EDA: variants seen among roughly 807,000 people sequenced by gnomAD.
EDA encodes ectodysplasin-A.
In EDA, 2 loss-of-function variants were observed where a neutral mutation model predicts 23.6. That is an observed-to-expected ratio of 0.08 (90% CI 0.03 to 0.27). EDA has a LOEUF of 0.27. EDA is among the 10% of genes least tolerant of loss of function. The probability of loss-of-function intolerance (pLI) is 1.00; values close to 1 mark genes in which losing one functional copy is unlikely to be tolerated. For missense variants in EDA, 229 were observed against 324.2 expected (o/e 0.71, Z 2.26); for synonymous variants, 131 against 132.0 (o/e 0.99, Z 0.05).
chrX:69,816,112 G>A (rs1332263220), intron 1 of EDA, among the ~76,000 whole-genome samples: 1 of 111,519 alleles, frequency 9.0e-6, no homozygotes, highest in Admixed American at 9.5e-5. Context: ...CCCTGAGGTA[G>A]AGTGGCCTGA....
chrX:69,833,972 GCA>G (rs2016698158), intron 1 of EDA, among the ~76,000 whole-genome samples: 2 of 82,790 alleles, frequency 2.4e-5, no homozygotes, highest in Non-Finnish European at 2.2e-5. Flanking sequence ...CCCACGACAG[GCA>G]CCAGTGTGTG....
intron 1 of EDA, among the ~76,000 whole-genome samples, chrX:69,839,924 A>G (rs1317791038): frequency 8.9e-6 from 1 of 112,475 alleles, no homozygotes; most frequent in Non-Finnish European, 1.9e-5. Flanking sequence ...GTGTTATGAA[A>G]AAAGAAGGGG....
At chrX:70,026,837 ATCTC>A (rs941146602) in intron 3 of EDA, among the ~76,000 whole-genome samples, 1 of 108,054 alleles carries the variant, frequency 9.3e-6, no homozygotes, top group Admixed American at 9.9e-5. Flanking sequence ...GTTTCTCAAT[ATCTC>A]TCTCTCTCCC....
intron 1 of EDA, among the ~76,000 whole-genome samples, chrX:69,912,699 G>A (rs181969880): frequency 9.1e-6 from 1 of 109,577 alleles, no homozygotes; most frequent in Admixed American, 9.8e-5. Flanking sequence ...CAGATATGCT[G>A]TCATTCAGGC....
At chrX:69,750,875 AT>A (rs1272892677) in intron 1 of EDA, among the ~76,000 whole-genome samples, 2 of 110,714 alleles carry the variant, frequency 1.8e-5, no homozygotes, top group African/African-American at 3.3e-5. Flanking sequence ...GGGTTGTTTG[AT>A]TTTTTTCTTA....
At chrX:69,871,041 A>G (rs925502279) in intron 1 of EDA, among the ~76,000 whole-genome samples, 1 of 111,838 alleles carries the variant, frequency 8.9e-6, no homozygotes, top group African/African-American at 3.3e-5. Context: ...GGTATTATGT[A>G]TAGAGTCATT....
intron 1 of EDA, among the ~76,000 whole-genome samples, chrX:69,924,949 T>C (rs1278867581): frequency 9.0e-6 from 1 of 111,712 alleles, no homozygotes; most frequent in African/African-American, 3.3e-5. Context: ...TTTGGCTCTC[T>C]GTTGTCTATT....
intron 1 of EDA, among the ~76,000 whole-genome samples, chrX:69,889,407 C>T (rs2017889046): frequency 1.8e-5 from 2 of 111,125 alleles, no homozygotes; most frequent in Admixed American, 1.9e-4. Context: ...GCCTTGGCCC[C>T]CCAAAGTGCT....
At chrX:69,750,174 C>A (rs187639506) in intron 1 of EDA, among the ~76,000 whole-genome samples, 990 of 59,935 alleles carry the variant, frequency 0.017, 21 homozygotes, top group African/African-American at 0.063. Flanking sequence ...CCCTCCCCCT[C>A]CCCCCACCCC....
At chrX:69,852,349 G>A (rs1027424218) in intron 1 of EDA, among the ~76,000 whole-genome samples, 18 of 111,393 alleles carry the variant, frequency 1.6e-4, no homozygotes, top group African/African-American at 5.9e-4. Context: ...GGCTGGTCTC[G>A]AACTCCCTAC....
At chrX:69,707,236 GA>G (rs1223220714) in intron 1 of EDA, among the ~76,000 whole-genome samples, 1 of 111,853 alleles carries the variant, frequency 8.9e-6, no homozygotes, top group Non-Finnish European at 1.9e-5. Context: ...ATATTTTTCT[GA>G]AAATGGTCCA....
At chrX:69,646,397 G>T (rs944433967) in intron 1 of EDA, among the ~76,000 whole-genome samples, 13 of 111,710 alleles carry the variant, frequency 1.2e-4, no homozygotes, top group African/African-American at 3.9e-4. Flanking sequence ...AGGATAGTTA[G>T]CTCCTCTTGT....
intron 1 of EDA, among the ~76,000 whole-genome samples, chrX:69,873,346 A>G (rs1197613262): frequency 8.9e-6 from 1 of 112,066 alleles, no homozygotes; most frequent in Non-Finnish European, 1.9e-5. Flanking sequence ...AACTGGAGAA[A>G]CAAGAACAAT....
chrX:69,828,675 G>C (rs368818554), intron 1 of EDA, among the ~76,000 whole-genome samples: 25 of 112,302 alleles, frequency 2.2e-4, no homozygotes, highest in African/African-American at 7.8e-4. Flanking sequence ...CGTCGCTCAC[G>C]CTGGGAGCTG....
chrX:69,803,176 T>A (rs1489627275), intron 1 of EDA, among the ~76,000 whole-genome samples: 1 of 111,817 alleles, frequency 8.9e-6, no homozygotes, highest in Non-Finnish European at 1.9e-5. Context: ...ATTCTCTGTA[T>A]TAGAATGCAT....
chrX:69,837,179 A>G (rs1437920341), intron 1 of EDA, among the ~76,000 whole-genome samples: 2 of 111,328 alleles, frequency 1.8e-5, no homozygotes, highest in Non-Finnish European at 3.8e-5. Flanking sequence ...TGTCTGGTGT[A>G]CTTCAGTAGC....
chrX:69,856,662 C>A (rs1248770978), intron 1 of EDA, among the ~76,000 whole-genome samples: 1 of 110,246 alleles, frequency 9.1e-6, no homozygotes, highest in African/African-American at 3.3e-5. Context: ...TGTATATCTT[C>A]TTTTGATAAC....
chrX:69,843,869 A>G (rs776897266), intron 1 of EDA, among the ~76,000 whole-genome samples: 27 of 109,495 alleles, frequency 2.5e-4, no homozygotes, highest in Non-Finnish European at 3.8e-5. Flanking sequence ...AAAAATACAA[A>G]AAATTAGCCG....
At chrX:69,934,083 G>A (rs933150410) in intron 1 of EDA, among the ~76,000 whole-genome samples, 3 of 111,572 alleles carry the variant, frequency 2.7e-5, no homozygotes, top group African/African-American at 9.8e-5. Context: ...TAGGGGTTGA[G>A]CAAAATGGTT....
Sources: gnomAD v4.1 joint callset for allele counts (sites outside exome capture counted in the v4.1 genomes callset) on GRCh38, gnomAD v4.1.1 for gene constraint, MANE v1.5 for transcripts, NCBI Gene and HGNC (gene_info 2026-07-23, HGNC 2026-07-21) for gene names.